The following ZFYVE26 variants were observed in gnomAD, a reference collection of about 807,000 sequenced individuals.
ZFYVE26 encodes zinc finger FYVE-type containing 26, also known as zinc finger FYVE domain-containing protein 26.
ZFYVE26 carries 181 observed loss-of-function variants against 276.5 expected under a neutral mutation model. The observed-to-expected ratio is 0.65, with a 90% CI of 0.58 to 0.74. The LOEUF (loss-of-function observed/expected upper bound fraction) is 0.74, where lower values mean the gene tolerates loss of function less well. ZFYVE26 is among the 30% of genes least tolerant of loss of function. The probability of loss-of-function intolerance (pLI) is 0.00; values close to 1 mark genes in which losing one functional copy is unlikely to be tolerated. For synonymous variants in ZFYVE26, 1,129 were observed against 1,203.1 expected (o/e 0.94, Z 1.27); for missense variants, 2,821 against 3,097.9 (o/e 0.91, Z 2.12).
In ZFYVE26 at chr14:67,798,009, C is replaced by G; in HGVS notation, c.2248+5G>C. 2 of 1,614,174 alleles carry G rather than the reference C, an allele frequency of 1.2e-6. No homozygotes were observed. The highest frequency in any genetic ancestry group is 1.7e-6 in the Non-Finnish European group (2 of 1,180,046). On this transcript the variant is annotated splice_donor_5th_base_variant and intron_variant, in intron 11 of 41. Coordinates refer to ENST00000347230, the MANE Select transcript of ZFYVE26 (RefSeq NM_015346.4). ...CTGGTCCCACCAGTTCCACCCTTCT[C>G]TCACCTGAACGATGGTTGCTTGTCA...
At position 67,798,141 on chromosome 14, in the gene ZFYVE26, C is replaced by T; in HGVS notation, c.2121G>A (p.Lys707=). Residue 707 remains lysine, a synonymous_variant, in exon 11 of 42, where the codon AAG becomes AAA. Transcript: ENST00000347230. The stretch of plus-strand genomic sequence containing the variant: ...AGCAGCTCTGACTTTCTTGCTTTGG[C>T]TTCTCAGGAGGGCTGCGGCTACTGA... ...DEISSRSPPE[K]PKQESQSCSG... 1.2e-6 allele frequency: 2 copies of T among 1,614,078 alleles called. No individual in the cohort carries two copies. The highest frequency in any genetic ancestry group is 1.7e-6 in the Non-Finnish European group (2 of 1,179,958).
chr14:67,772,020 G>A (rs765491618), intron 28 of ZFYVE26, 27 bp downstream of exon 28: 3 of 1,608,162 alleles, frequency 1.9e-6, no homozygotes, highest in Non-Finnish European at 1.7e-6. Context: ...TCTCCTGAGG[G>A]TGACAGTGGA....
intron 23 of ZFYVE26, 94 bp downstream of exon 23, chr14:67,780,147 A>T: frequency 3.4e-6 from 4 of 1,186,208 alleles, no homozygotes; most frequent in Non-Finnish European, 4.9e-6. Context: ...TTAAAAAGTG[A>T]ACATTGATAT....
chr14:67,752,249 G>A, intron 40 of ZFYVE26, 95 bp downstream of exon 40: 7 of 1,444,024 alleles, frequency 4.8e-6, no homozygotes, highest in Non-Finnish European at 6.7e-6. Flanking sequence ...ATCTTGTAGA[G>A]TTTCAGGCAC....
At chr14:67,769,196 T>G (rs754363064) in intron 29 of ZFYVE26, among the ~76,000 whole-genome samples, 8 of 152,068 alleles carry the variant, frequency 5.3e-5, no homozygotes, top group Non-Finnish European at 7.4e-5. Context: ...TAGATCAGAG[T>G]TGATATAAGC....
intron 16 of ZFYVE26, 86 bp from the exon 17 acceptor site, chr14:67,786,319 T>C (rs1566885587): frequency 1.4e-6 from 2 of 1,477,304 alleles, no homozygotes; most frequent in Non-Finnish European, 1.8e-6. Context: ...TATTTACCTG[T>C]GAAATTTTAT....
chr14:67,797,058 A>G (rs1321609041), intron 12 of ZFYVE26: 1 of 153,546 alleles, frequency 6.5e-6, no homozygotes, highest in Non-Finnish European at 1.5e-5. Flanking sequence ...TAAGGAATGT[A>G]GAGCAGCATC....
At chr14:67,782,692 G>A (rs562987853) in intron 21 of ZFYVE26, 88 bp downstream of exon 21, 4 of 1,581,048 alleles carry the variant, frequency 2.5e-6, no homozygotes, top group Non-Finnish European at 3.4e-6. Context: ...TCTCTCTAGA[G>A]TTACCGTGAG....
rs1395553642 is a variant in ZFYVE26, at chr14:67,748,556, A to T, written c.7500T>A (p.Leu2500=). The T allele has an allele frequency of 6.2e-7, 1 of 1,614,058 alleles. No homozygotes were observed. Among genetic ancestry groups the T allele is most frequent in the Non-Finnish European group, 8.5e-7 (1 of 1,180,032 alleles). ...VKQEHSRATA[L]VQQVQQAAKS... is the part of the protein sequence containing the mutation. Reference sequence around the variant, plus strand: ...TGGCGGCCTGCTGCACCTGCTGGACAAGGGCTGTGGCCCGTGAGTGTTCTT... The same window carrying T: ...TGGCGGCCTGCTGCACCTGCTGGACTAGGGCTGTGGCCCGTGAGTGTTCTT... Residue 2500 remains leucine, a synonymous_variant, in exon 42 of 42, where the codon CTT becomes CTA. Coordinates refer to ENST00000347230, the MANE Select transcript of ZFYVE26 (RefSeq NM_015346.4).
intron 13 of ZFYVE26, among the ~76,000 whole-genome samples, chr14:67,733,313 C>T (rs1343045378): frequency 1.3e-5 from 2 of 152,148 alleles, no homozygotes; most frequent in African/African-American, 4.8e-5. Context: ...GGGAAAATAA[C>T]TTCATCTTTA....
intron 18 of ZFYVE26, 111 bp from the exon 19 acceptor site, chr14:67,785,388 A>G (rs1473752965): frequency 3.1e-6 from 3 of 976,090 alleles, no homozygotes; most frequent in East Asian, 5.2e-5. Flanking sequence ...TGCCTGGGGC[A>G]TCTGATGGCC....
chr14:67,738,220 G>A (rs545066998), intron 13 of ZFYVE26, among the ~76,000 whole-genome samples: 5 of 151,850 alleles, frequency 3.3e-5, no homozygotes, highest in Non-Finnish European at 7.4e-5. Context: ...TGTATGTAAA[G>A]AGGAGGCATT....
Position 67,815,988 on chromosome 14 carries a change from A to T in ZFYVE26, c.-25T>A, listed in dbSNP as rs2040398264. The T allele has an allele frequency of 7.6e-6, 12 of 1,581,080 alleles. No individual in the cohort carries two copies. In the East Asian group the frequency reaches 2.7e-4, roughly 36 times the overall value. ...TTTTCCCAGCACAGAGTGCAGGGAG[A>T]TACAAAGAAATGAGTTATGCCGAAC... On this transcript the variant is annotated 5_prime_UTR_variant, in exon 2 of 42. Coordinates refer to ENST00000347230, the MANE Select transcript of ZFYVE26 (RefSeq NM_015346.4).
At chr14:67,808,043 G>T in intron 4 of ZFYVE26, 123 bp from the exon 5 acceptor site, 1 of 1,172,350 alleles carries the variant, frequency 8.5e-7, no homozygotes, top group Non-Finnish European at 1.2e-6. Flanking sequence ...AAATACTTAT[G>T]TCGTAGTTAC....
At chr14:67,733,724 A>C in intron 13 of ZFYVE26, 2 of 1,520,108 alleles carry the variant, frequency 1.3e-6, no homozygotes, top group Non-Finnish European at 1.8e-6. Flanking sequence ...CCTGGAATTT[A>C]CTGTCTTTCT....
chr14:67,733,525 T>C (rs2038312661), intron 13 of ZFYVE26, among the ~76,000 whole-genome samples: 1 of 152,272 alleles, frequency 6.6e-6, no homozygotes, highest in Non-Finnish European at 1.5e-5. Context: ...GACCTGGTAC[T>C]AGATCTTGTT....
At position 67,775,949 on chromosome 14, in the gene ZFYVE26, C is replaced by G. The variant is rs750861285; in HGVS notation, c.5132G>C (p.Gly1711Ala). 2 of 1,614,206 alleles carry G rather than the reference C, an allele frequency of 1.2e-6. No individual in the cohort carries two copies. The highest frequency in any genetic ancestry group is 3.3e-5 in the Admixed American group (2 of 60,026). The change falls in exon 26 of 42, where the codon GGC becomes GCC. Residue 1711 changes from glycine to alanine, a missense_variant. By Grantham distance (60) the Gly-to-Ala change is moderately conservative. Transcript: ENST00000347230. ...LQQLLVGQEIGFTMDEVDSLL... is the reference protein window; with the variant it reads ...LQQLLVGQEIAFTMDEVDSLL... ...TGAGTCCACCTCGTCCATAGTGAAG[C>G]CAATCTCCTGTCCAACCAGCAGCTG...
Position 67,798,606 on chromosome 14 carries a change from G to A in ZFYVE26, c.1656C>T (p.Phe552=). The change falls in exon 11 of 42, where the codon TTC becomes TTT. Residue 552 remains phenylalanine (F), a synonymous_variant. Transcript: ENST00000347230. ...SLSSPGAANL[F]STYLARCQQY... ...GTTGACACCTGGCCAGGTAAGTTGA[G>A]AAGAGATTTGCAGCACCTACAAAAA... 6.2e-7 allele frequency: 1 copy of A among 1,613,944 alleles called. No homozygotes were observed. Among genetic ancestry groups the A allele is most frequent in the South Asian group, 1.1e-5 (1 of 91,082 alleles).
At chr14:67,815,454 T>G in intron 2 of ZFYVE26, 1 of 387,754 alleles carries the variant, frequency 2.6e-6, no homozygotes, top group South Asian at 2.7e-5. Flanking sequence ...GAGCAGGGTT[T>G]GCTTTTTTGG....
Sources: allele counts gnomAD v4.1 joint callset (sites outside exome capture counted in the v4.1 genomes callset), GRCh38; gene constraint gnomAD v4.1.1; transcripts MANE v1.5; gene names NCBI Gene and HGNC (gene_info 2026-07-23, HGNC 2026-07-21).